Variants in DLGAP2 observed in about 807,000 individuals in gnomAD.
DLGAP2 encodes the protein disks large-associated protein 2.
A neutral mutation model predicts 100.3 loss-of-function variants in DLGAP2; 26 were observed. That is an observed-to-expected ratio of 0.26 (90% CI 0.19 to 0.36). DLGAP2 has a LOEUF of 0.36. Among genes scored for constraint, DLGAP2 ranks in the 10% least tolerant of loss-of-function variants. The pLI is 1.00. For missense variants in DLGAP2, 1,858 were observed against 1,453.2 expected (o/e 1.28, Z -4.53); for synonymous variants, 886 against 630.1 (o/e 1.41, Z -6.08).
intron 4 of DLGAP2, among the ~76,000 whole-genome samples, chr8:1,506,923 T>A (rs1257890789): frequency 2.0e-5 from 3 of 152,224 alleles, no homozygotes; most frequent in Non-Finnish European, 2.9e-5. Context: ...GCATTTACAA[T>A]CCTCTAGCTA....
intron 1 of DLGAP2, among the ~76,000 whole-genome samples, chr8:768,675 C>T (rs769423779): frequency 6.6e-5 from 10 of 151,892 alleles, no homozygotes; most frequent in Non-Finnish European, 1.2e-4. Flanking sequence ...CTGCCCGCCT[C>T]GGCCTCCCAA....
At chr8:1,506,472 G>A (rs1013795490) in intron 4 of DLGAP2, among the ~76,000 whole-genome samples, 2 of 152,180 alleles carry the variant, frequency 1.3e-5, no homozygotes, top group African/African-American at 2.4e-5. Context: ...AATGGCCTCA[G>A]GAGTGAAGCT....
chr8:1,493,922 A>T (rs761580526), intron 3 of DLGAP2, among the ~76,000 whole-genome samples: 21 of 152,220 alleles, frequency 1.4e-4, no homozygotes, highest in Non-Finnish European at 2.5e-4. Context: ...AAAGGCCTGT[A>T]CTATAAAAAG....
intron 8 of DLGAP2, among the ~76,000 whole-genome samples, chr8:1,662,044 C>G (rs1463309608): frequency 6.6e-6 from 1 of 152,372 alleles, no homozygotes; most frequent in East Asian, 1.9e-4. Flanking sequence ...AGTACACAGT[C>G]ACAGTCACAG....
chr8:1,689,097 G>T (rs1017621088), intron 12 of DLGAP2, among the ~76,000 whole-genome samples: 7 of 152,176 alleles, frequency 4.6e-5, no homozygotes, highest in African/African-American at 7.2e-5. Context: ...AATGTTTGGG[G>T]GAAGAGCTGT....
intron 1 of DLGAP2, among the ~76,000 whole-genome samples, chr8:807,013 C>G (rs918752201): frequency 6.6e-6 from 1 of 152,190 alleles, no homozygotes; most frequent in Non-Finnish European, 1.5e-5. Flanking sequence ...CCCTGAATCT[C>G]CTACCTGGGA....
intron 4 of DLGAP2, among the ~76,000 whole-genome samples, chr8:1,542,725 T>G (rs111876071): frequency 0.032 from 4,819 of 152,284 alleles, 260 homozygotes; most frequent in African/African-American, 0.11. Context: ...TTTGCCTGGA[T>G]GTGTTTTCAT....
intron 1 of DLGAP2, among the ~76,000 whole-genome samples, chr8:788,796 G>C (rs1481418575): frequency 2.0e-5 from 3 of 152,186 alleles, no homozygotes; most frequent in Non-Finnish European, 4.4e-5. Context: ...GTCGTGGTGG[G>C]TTCTGTTCTA....
At chr8:763,872 T>G in intron 1 of DLGAP2, among the ~76,000 whole-genome samples, 1 of 152,220 alleles carries the variant, frequency 6.6e-6, no homozygotes, top group East Asian at 1.9e-4. Flanking sequence ...AGCTGATGAT[T>G]TCCTTATTTA....
At chr8:1,088,993 A>G (rs1188229303) in intron 2 of DLGAP2, among the ~76,000 whole-genome samples, 13 of 101,548 alleles carry the variant, frequency 1.3e-4, no homozygotes, top group African/African-American at 4.7e-4. Context: ...AGGCTATGCC[A>G]TTCTCGCTCC....
chr8:1,497,291 C>G (rs1048868990), intron 3 of DLGAP2, among the ~76,000 whole-genome samples: 12 of 152,232 alleles, frequency 7.9e-5, no homozygotes, highest in African/African-American at 2.9e-4. Context: ...ACCGATCAGC[C>G]TCACACATGG....
intron 2 of DLGAP2, among the ~76,000 whole-genome samples, chr8:933,090 C>T (rs566686415): frequency 2.7e-4 from 41 of 152,350 alleles, no homozygotes; most frequent in Admixed American, 1.0e-3. Flanking sequence ...ATCCTGTCCC[C>T]GTCCGTTCCT....
At chr8:1,340,231 C>T (rs543922337) in intron 3 of DLGAP2, among the ~76,000 whole-genome samples, 1 of 152,140 alleles carries the variant, frequency 6.6e-6, no homozygotes, top group Non-Finnish European at 1.5e-5. Context: ...CAAAAATTGA[C>T]AAATGGGATT....
intron 3 of DLGAP2, among the ~76,000 whole-genome samples, chr8:1,269,444 C>T (rs1359035669): frequency 1.3e-5 from 2 of 152,188 alleles, no homozygotes; most frequent in African/African-American, 4.8e-5. Flanking sequence ...GTAACACTTG[C>T]TCCAGGGCTT....
chr8:1,467,378 C>T (rs989905802), intron 3 of DLGAP2, among the ~76,000 whole-genome samples: 1 of 151,642 alleles, frequency 6.6e-6, no homozygotes, highest in African/African-American at 2.4e-5. Flanking sequence ...CCCACAGCCC[C>T]CCAGAGCTCT....
chr8:938,027 C>T (rs549139747), intron 2 of DLGAP2, among the ~76,000 whole-genome samples: 1 of 152,152 alleles, frequency 6.6e-6, no homozygotes, highest in Non-Finnish European at 1.5e-5. Flanking sequence ...TCTCAGACAA[C>T]TATTCCTTCC....
At chr8:1,352,845 A>T (rs1409157985) in intron 3 of DLGAP2, among the ~76,000 whole-genome samples, 2 of 152,128 alleles carry the variant, frequency 1.3e-5, no homozygotes, top group Non-Finnish European at 2.9e-5. Context: ...CATTCTCTGG[A>T]GACGCAGGAG....
At chr8:834,407 C>A (rs1796836310) in intron 1 of DLGAP2, among the ~76,000 whole-genome samples, 1 of 152,342 alleles carries the variant, frequency 6.6e-6, no homozygotes, top group African/African-American at 2.4e-5. Context: ...AGGCTCTGAG[C>A]AAATGCAGGC....
chr8:1,500,827 AT>A (rs1384822714), intron 3 of DLGAP2, among the ~76,000 whole-genome samples: 3 of 152,260 alleles, frequency 2.0e-5, no homozygotes, highest in Non-Finnish European at 4.4e-5. Context: ...GGGAAATTAA[AT>A]CAGCGTTTTG....
Sources: gnomAD v4.1 joint callset for allele counts (sites outside exome capture counted in the v4.1 genomes callset) on GRCh38, gnomAD v4.1.1 for gene constraint, MANE v1.5 for transcripts, NCBI Gene and HGNC (gene_info 2026-07-23, HGNC 2026-07-21) for gene names.